Variants in PTPRC observed in about 807,000 individuals in gnomAD.
PTPRC encodes the protein receptor-type tyrosine-protein phosphatase C.
In PTPRC, 44 loss-of-function variants were observed where a neutral mutation model predicts 155.9. The ratio of observed to expected loss-of-function variants is 0.28; its 90% CI spans 0.22 to 0.36. The LOEUF is 0.36. Among genes scored for constraint, PTPRC ranks in the 10% least tolerant of loss-of-function variants. The pLI is 1.00. For missense variants in PTPRC, 1,401 were observed against 1,564.6 expected (o/e 0.90, Z 1.76); for synonymous variants, 525 against 533.1 (o/e 0.98, Z 0.21).
chr1:198,743,067 CAAAA>C (rs10628640), intron 25 of PTPRC, among the ~76,000 whole-genome samples: 3 of 75,948 alleles, frequency 4.0e-5, no homozygotes, highest in Non-Finnish European at 2.5e-5. Context: ...GTCAAAATAG[CAAAA>C]AAAAAAAAAA....
chr1:198,748,360 G>C (rs1472921315), intron 27 of PTPRC, among the ~76,000 whole-genome samples, 161 bp downstream of exon 27: 1 of 151,794 alleles, frequency 6.6e-6, no homozygotes, highest in East Asian at 1.9e-4. Flanking sequence ...ACTAGTTATT[G>C]CAAGAACTTA....
intron 2 of PTPRC, among the ~76,000 whole-genome samples, chr1:198,685,562 A>G (rs2102345766): frequency 6.6e-6 from 1 of 152,182 alleles, no homozygotes; most frequent in East Asian, 1.9e-4. Flanking sequence ...CTCCATAAAT[A>G]CTTAATAATT....
Position 198,716,835 on chromosome 1 carries a change from G to A in PTPRC, c.1445G>A (p.Ser482Asn). 6.2e-7 allele frequency: 1 copy of A among 1,613,434 alleles called. No individual in the cohort carries two copies. The highest frequency in any genetic ancestry group is 8.5e-7 in the Non-Finnish European group (1 of 1,179,854). Residue 482 changes from serine (S) to asparagine (N), a missense_variant, in exon 13 of 33, where the codon AGT (serine) becomes AAT (asparagine). Physicochemically the swap from Ser to Asn is conservative, Grantham distance 46. Around this residue, in one of 3 missense-constraint regions of PTPRC, gnomAD observed 867 missense variants for 970.4 expected, o/e 0.89. Coordinates refer to ENST00000442510, the MANE Select transcript of PTPRC (RefSeq NM_002838.5). ...SAAMCHFTTK[S>N]APPSQVWNMT... The stretch of plus-strand genomic sequence containing the variant: ...GCAATGTGTCATTTCACAACTAAAA[G>A]TGCTCGTAAGTTATATGTTTTAATG...
In PTPRC at chr1:198,752,379, A is replaced by G. The variant is rs768598929; in HGVS notation, c.3330+8A>G. ...GAACTGAGACATTCCAAGGTATGGA[A>G]ACAATTTGGGGAGTATATTTCTTTG... is the stretch of plus-strand genomic sequence containing the variant. On this transcript the variant is annotated splice_region_variant and intron_variant, in intron 30 of 32. Transcript: ENST00000442510. The G allele has an allele frequency of 6.2e-7, 1 of 1,612,558 alleles. No homozygotes were observed. Among genetic ancestry groups the G allele is most frequent in the Admixed American group, 1.7e-5 (1 of 59,866 alleles).
At chr1:198,747,180 G>T (rs1368465348) in intron 26 of PTPRC, among the ~76,000 whole-genome samples, 1 of 151,228 alleles carries the variant, frequency 6.6e-6, no homozygotes, top group African/African-American at 2.4e-5. Flanking sequence ...AGAAGAAATT[G>T]GTATTTAAAC....
At chr1:198,666,258 AAAG>A (rs1398257199) in intron 2 of PTPRC, among the ~76,000 whole-genome samples, 2 of 151,532 alleles carry the variant, frequency 1.3e-5, no homozygotes, top group East Asian at 1.9e-4. Context: ...AAAAAAAAAA[AAAG>A]AGAGATGTAG....
chr1:198,704,017 A>G (rs536611424), intron 7 of PTPRC: 1 of 176,122 alleles, frequency 5.7e-6, no homozygotes, highest in East Asian at 1.5e-4. Flanking sequence ...CAAAGAGCTT[A>G]CAAAAGTTAA....
chr1:198,704,388 T>C (rs2102405635), intron 7 of PTPRC, 84 bp from the exon 8 acceptor site: 3 of 1,598,382 alleles, frequency 1.9e-6, no homozygotes, highest in Non-Finnish European at 2.6e-6. Context: ...AGTAGAAGTA[T>C]TGTAAATCAG....
At chr1:198,706,485 C>G (rs1652974528) in intron 8 of PTPRC, among the ~76,000 whole-genome samples, 1 of 152,120 alleles carries the variant, frequency 6.6e-6, no homozygotes, top group Non-Finnish European at 1.5e-5. Flanking sequence ...CATGGAAGTT[C>G]CAAGTCCAGC....
At chr1:198,667,081 C>T (rs1664355778) in intron 2 of PTPRC, 1 of 152,192 alleles carries the variant, frequency 6.6e-6, no homozygotes, top group Non-Finnish European at 1.5e-5. Context: ...ATTTGGGATG[C>T]TATGCGTCCA....
At chr1:198,723,112 CAT>C (rs3033891) in intron 15 of PTPRC, among the ~76,000 whole-genome samples, 20 of 144,048 alleles carry the variant, frequency 1.4e-4, no homozygotes, top group African/African-American at 3.0e-4. Context: ...TAGTTTCCTT[CAT>C]ATATATATAT....
In PTPRC at chr1:198,756,447, T is replaced by C; in HGVS notation, c.*266T>C. On this transcript the variant is annotated 3_prime_UTR_variant, in exon 33 of 33. Transcript: ENST00000442510. Reference sequence around the variant, plus strand: ...TAATCGTTATGTGTGTATATGTATGTGTGTATGGGTGTGTGTTTGTGTGAG... The same window carrying C: ...TAATCGTTATGTGTGTATATGTATGCGTGTATGGGTGTGTGTTTGTGTGAG... 2.6e-6 allele frequency: 1 copy of C among 377,416 alleles called. No individual in the cohort carries two copies. Among genetic ancestry groups the C allele is most frequent in the Non-Finnish European group, 4.8e-6 (1 of 206,658 alleles). 23.4% of individuals were successfully genotyped at this position (377,416 alleles called of 1,614,324 possible). A position where few individuals can be genotyped will look rare whatever the true frequency, so the allele number is the denominator to read the frequency against.
intron 3 of PTPRC, 50 bp downstream of exon 3, chr1:198,692,423 G>C: frequency 1.6e-6 from 2 of 1,277,538 alleles, no homozygotes. Context: ...TTGTTGCAAA[G>C]TTTATATATT....
rs1655697225 is a variant in PTPRC at position 198,756,783 on chromosome 1, T to A, written c.*602T>A. 1 of 152,094 alleles carries A rather than the reference T, an allele frequency of 6.6e-6. No homozygotes were observed. The highest frequency in any genetic ancestry group is 1.5e-5 in the Non-Finnish European group (1 of 68,004). The allele number at this position is 152,094 out of a possible 1,614,324, so 9.4% of individuals were successfully genotyped here. On this transcript the variant is annotated 3_prime_UTR_variant, in exon 33 of 33. Transcript: ENST00000442510. The stretch of plus-strand genomic sequence containing the variant: ...AAAAAGTTGTTAACTAAATTAACAT[T>A]GGGAAATCTTATATTCCATATATTA...
rs141995021 is a variant in PTPRC, at chr1:198,754,369, C to T, written c.3610C>T (p.Leu1204=). Residue 1204 remains leucine (L), a synonymous_variant, in exon 32 of 33, where the codon CTA becomes TTA. Coordinates refer to ENST00000442510, the MANE Select transcript of PTPRC (RefSeq NM_002838.5). Reference sequence around the variant, plus strand: ...GGATATTTTTCAAGTGGTAAAAGCTCTACGCAAAGCTAGGCCAGGCATGGT... The same window carrying T: ...GGATATTTTTCAAGTGGTAAAAGCTTTACGCAAAGCTAGGCCAGGCATGGT... ...VVDIFQVVKA[L]RKARPGMVST... 6.2e-7 allele frequency: 1 copy of T among 1,613,444 alleles called. No individual in the cohort carries two copies. The highest frequency in any genetic ancestry group is 1.7e-5 in the Admixed American group (1 of 59,904).
chr1:198,644,234 A>G (rs1226328251), intron 2 of PTPRC, among the ~76,000 whole-genome samples: 1 of 151,922 alleles, frequency 6.6e-6, no homozygotes, highest in Non-Finnish European at 1.5e-5. Flanking sequence ...TCTAGTCTAA[A>G]TATCTTTGTA....
At chr1:198,685,181 T>A (rs12119959) in intron 2 of PTPRC, among the ~76,000 whole-genome samples, 11,874 of 151,854 alleles carry the variant, frequency 0.078, 506 homozygotes, top group Non-Finnish European at 0.099. Context: ...AAAAATAATA[T>A]TAATATACCC....
At chr1:198,665,246 C>T (rs1664223074) in intron 2 of PTPRC, among the ~76,000 whole-genome samples, 1 of 151,106 alleles carries the variant, frequency 6.6e-6, no homozygotes, top group Non-Finnish European at 1.5e-5. Flanking sequence ...CCCGCCGCCA[C>T]GCCTGGCTAA....
In PTPRC at chr1:198,744,238, A is replaced by G. The variant is rs750677629; in HGVS notation, c.2847+35A>G. 45 of 1,560,600 alleles carry G rather than the reference A, an allele frequency of 2.9e-5. No individual in the cohort carries two copies. In the East Asian group the frequency reaches 8.9e-4, roughly 31 times the overall value. On this transcript the variant is annotated intron_variant, in intron 26 of 32. Coordinates refer to ENST00000442510, the MANE Select transcript of PTPRC (RefSeq NM_002838.5). ...GTGACAACAATAATAATAATTACAG[A>G]TAACTTTTATTCAGTGTCATCTACT...
Sources: gnomAD v4.1 joint callset for allele counts (sites outside exome capture counted in the v4.1 genomes callset) on GRCh38, gnomAD v4.1.1 for gene constraint, gnomAD v4.1.1 regional missense constraint, MANE v1.5 for transcripts, NCBI Gene and HGNC (gene_info 2026-07-23, HGNC 2026-07-21) for gene names.